DPYD: variants seen among roughly 807,000 people sequenced by gnomAD.
DPYD encodes the protein dihydropyrimidine dehydrogenase, also known as dihydropyrimidine dehydrogenase [NADP(+)].
DPYD carries 109 observed loss-of-function variants against 116.2 expected under a neutral mutation model. The observed-to-expected ratio is 0.94, with a 90% CI of 0.80 to 1.10. DPYD has a LOEUF of 1.10. DPYD is among the 50% of genes least tolerant of loss of function. The probability of loss-of-function intolerance (pLI) is 0.00; values close to 1 mark genes in which losing one functional copy is unlikely to be tolerated. For synonymous variants in DPYD, 440 were observed against 432.0 expected (o/e 1.02, Z -0.23); for missense variants, 1,302 against 1,254.5 (o/e 1.04, Z -0.57).
At chr1:97,555,519 CT>C (rs1651629868) in intron 11 of DPYD, among the ~76,000 whole-genome samples, 1 of 152,102 alleles carries the variant, frequency 6.6e-6, no homozygotes, top group African/African-American at 2.4e-5. Flanking sequence ...TGACCTTACT[CT>C]TTCATTTCCT....
At chr1:97,838,875 T>A (rs993978083) in intron 2 of DPYD, among the ~76,000 whole-genome samples, 2 of 151,666 alleles carry the variant, frequency 1.3e-5, no homozygotes, top group Non-Finnish European at 2.9e-5. Context: ...AATAAAAAAA[T>A]AAAAGAACTT....
intron 4 of DPYD, among the ~76,000 whole-genome samples, chr1:97,725,470 A>C (rs1268540130): frequency 6.6e-6 from 1 of 151,588 alleles, no homozygotes; most frequent in East Asian, 1.9e-4. Context: ...TCATAGGAAA[A>C]TCCAGAGGAT....
chr1:97,412,905 G>A (rs6687374), intron 14 of DPYD, among the ~76,000 whole-genome samples: 29,898 of 152,036 alleles, frequency 0.2, 3,161 homozygotes, highest in East Asian at 0.38. Context: ...CACCCTAAAC[G>A]AGTCATCATA....
intron 20 of DPYD, among the ~76,000 whole-genome samples, chr1:97,150,639 A>G (rs1353424886): frequency 1.3e-5 from 2 of 152,186 alleles, no homozygotes. Context: ...TTTCTCTTAT[A>G]CAAAAGAGGA....
chr1:97,478,172 AC>A (rs1678093085), intron 13 of DPYD, among the ~76,000 whole-genome samples: 2 of 152,200 alleles, frequency 1.3e-5, no homozygotes, highest in Admixed American at 1.3e-4. Context: ...GTAGGTCTCA[AC>A]CTTAGGCTTA....
intron 13 of DPYD, among the ~76,000 whole-genome samples, chr1:97,460,631 C>T (rs1259109987): frequency 4.6e-5 from 7 of 152,154 alleles, no homozygotes; most frequent in Admixed American, 4.6e-4. Flanking sequence ...CAGGGAGAGG[C>T]CTTCTCAGAA....
intron 13 of DPYD, among the ~76,000 whole-genome samples, chr1:97,505,870 A>G (rs1188781514): frequency 6.6e-6 from 1 of 151,982 alleles, no homozygotes; most frequent in Non-Finnish European, 1.5e-5. Context: ...TATTGTAGAA[A>G]AACATGCAAA....
intron 3 of DPYD, chr1:97,797,136 G>A (rs1667611466): frequency 6.6e-6 from 1 of 151,882 alleles, no homozygotes; most frequent in Non-Finnish European, 1.5e-5. Context: ...AATGCAAGGA[G>A]GAAATACAAA....
At chr1:97,636,267 A>G (rs536586973) in intron 8 of DPYD, among the ~76,000 whole-genome samples, 1 of 152,272 alleles carries the variant, frequency 6.6e-6, no homozygotes, top group South Asian at 2.1e-4. Context: ...AATAATACCA[A>G]TTAATGAAGT....
chr1:97,429,337 T>C (rs1053736443), intron 14 of DPYD, among the ~76,000 whole-genome samples: 2 of 152,090 alleles, frequency 1.3e-5, no homozygotes, highest in Non-Finnish European at 2.9e-5. Flanking sequence ...AAAAGTGGTA[T>C]GCTTCTTAAA....
At chr1:97,631,691 T>C (rs1657269665) in intron 8 of DPYD, among the ~76,000 whole-genome samples, 1 of 152,016 alleles carries the variant, frequency 6.6e-6, no homozygotes. Flanking sequence ...ACCACAAAAA[T>C]GTAAGAATAA....
chr1:97,765,632 C>T (rs1665808162), intron 3 of DPYD, among the ~76,000 whole-genome samples: 1 of 152,134 alleles, frequency 6.6e-6, no homozygotes, highest in Non-Finnish European at 1.5e-5. Context: ...CAGTTGAGCC[C>T]AGTGTAGACC....
chr1:97,255,418 T>G (rs929274036), intron 18 of DPYD, among the ~76,000 whole-genome samples: 1 of 152,168 alleles, frequency 6.6e-6, no homozygotes, highest in African/African-American at 2.4e-5. Flanking sequence ...AATTAAATCA[T>G]GTGGGCAGGT....
chr1:97,476,894 G>A (rs1311669052), intron 13 of DPYD, among the ~76,000 whole-genome samples: 2 of 152,156 alleles, frequency 1.3e-5, no homozygotes, highest in African/African-American at 4.8e-5. Flanking sequence ...GCTGTATTAA[G>A]TGTGTAATAG....
chr1:97,802,037 T>C (rs1389635040), intron 3 of DPYD, among the ~76,000 whole-genome samples: 1 of 151,872 alleles, frequency 6.6e-6, no homozygotes. Context: ...GAGCTTTTAC[T>C]TTGTAAAGGG....
chr1:97,656,995 T>C (rs1658952669), intron 8 of DPYD, among the ~76,000 whole-genome samples: 1 of 148,284 alleles, frequency 6.7e-6, no homozygotes, highest in African/African-American at 2.5e-5. Context: ...TTGGATGCAG[T>C]TTCACTTTGT....
chr1:97,815,474 A>T (rs571669891), intron 3 of DPYD, among the ~76,000 whole-genome samples: 1 of 152,308 alleles, frequency 6.6e-6, no homozygotes, highest in East Asian at 1.9e-4. Flanking sequence ...AATGATGTAA[A>T]GTAACTTAAG....
chr1:97,410,045 G>T (rs1007988194), intron 14 of DPYD, among the ~76,000 whole-genome samples: 6 of 151,484 alleles, frequency 4.0e-5, no homozygotes, highest in African/African-American at 1.5e-4. Flanking sequence ...CAGCCTGGGT[G>T]GTAGAGCAAC....
At chr1:97,518,175 CAAT>C (rs1648368145) in intron 12 of DPYD, among the ~76,000 whole-genome samples, 1 of 145,562 alleles carries the variant, frequency 6.9e-6, no homozygotes, top group East Asian at 2.2e-4. Flanking sequence ...ACAAAGCAAA[CAAT>C]AATAAAATAC....
Sources: allele counts gnomAD v4.1 joint callset (sites outside exome capture counted in the v4.1 genomes callset), GRCh38; gene constraint gnomAD v4.1.1; transcripts MANE v1.5; gene names NCBI Gene and HGNC (gene_info 2026-07-23, HGNC 2026-07-21).